Variants in PACRG observed in about 807,000 individuals in gnomAD.
The protein encoded by PACRG is parkin coregulated gene protein.
Under a neutral mutation model 29.7 loss-of-function variants are expected in PACRG, and 29 were observed. That is an observed-to-expected ratio of 0.98 (90% CI 0.73 to 1.33). The LOEUF (loss-of-function observed/expected upper bound fraction) is 1.33, where lower values mean the gene tolerates loss of function less well. Among genes scored for constraint, PACRG ranks in the 40% most tolerant of loss-of-function variants. The pLI is 0.00. For missense variants in PACRG, 279 were observed against 316.2 expected (o/e 0.88, Z 0.89); for synonymous variants, 116 against 118.7 (o/e 0.98, Z 0.15).
chr6:163,083,907 A>C (rs1232466298), intron 3 of PACRG, among the ~76,000 whole-genome samples: 3 of 149,862 alleles, frequency 2.0e-5, no homozygotes, highest in African/African-American at 4.9e-5. Flanking sequence ...CTCACTTTGC[A>C]AAAAAAAAAT....
At chr6:162,988,940 A>T (rs967216035) in intron 2 of PACRG, among the ~76,000 whole-genome samples, 7 of 152,166 alleles carry the variant, frequency 4.6e-5, no homozygotes, top group Admixed American at 1.3e-4. Flanking sequence ...GACTGGTGAA[A>T]CTATTGGTTT....
At chr6:162,970,434 C>G (rs1009326913) in intron 2 of PACRG, among the ~76,000 whole-genome samples, 5 of 152,054 alleles carry the variant, frequency 3.3e-5, no homozygotes, top group Non-Finnish European at 2.9e-5. Context: ...CACCTGGTCC[C>G]CCTCTTCTCG....
chr6:162,928,432 T>C (rs1408510481), intron 2 of PACRG, among the ~76,000 whole-genome samples: 2 of 152,038 alleles, frequency 1.3e-5, no homozygotes, highest in African/African-American at 2.4e-5. Context: ...TAATGGTTTT[T>C]TTCATAATTT....
intron 2 of PACRG, among the ~76,000 whole-genome samples, chr6:162,918,207 T>A (rs1336628855): frequency 6.6e-6 from 1 of 152,220 alleles, no homozygotes; most frequent in Non-Finnish European, 1.5e-5. Flanking sequence ...TTAAAATGTG[T>A]TCTGTTAGAA....
intron 1 of PACRG, among the ~76,000 whole-genome samples, chr6:162,798,558 T>C (rs1336088036): frequency 6.6e-6 from 1 of 152,214 alleles, no homozygotes; most frequent in African/African-American, 2.4e-5. Flanking sequence ...TTATTCATCT[T>C]ATTTCATTCA....
chr6:163,066,380 A>G (rs565980), intron 3 of PACRG, among the ~76,000 whole-genome samples: 3 of 152,180 alleles, frequency 2.0e-5, no homozygotes, highest in Non-Finnish European at 4.4e-5. Flanking sequence ...CAGAAGGTGA[A>G]TGGGGCTGTG....
At chr6:163,201,846 C>T (rs979317321) in intron 4 of PACRG, among the ~76,000 whole-genome samples, 1 of 152,156 alleles carries the variant, frequency 6.6e-6, no homozygotes. Context: ...GTGGGAGCCC[C>T]GGGTCCATTG....
chr6:163,169,235 A>T (rs995747479), intron 4 of PACRG, among the ~76,000 whole-genome samples: 3 of 152,226 alleles, frequency 2.0e-5, no homozygotes, highest in African/African-American at 7.2e-5. Context: ...TGAAGCGTGT[A>T]TTATGATAAA....
intron 2 of PACRG, among the ~76,000 whole-genome samples, chr6:163,002,804 C>G (rs1048051039): frequency 6.6e-6 from 1 of 152,186 alleles, no homozygotes; most frequent in Non-Finnish European, 1.5e-5. Context: ...TGAGATAGGT[C>G]TACCTATTAG....
At chr6:163,200,664 T>A (rs1189074248) in intron 4 of PACRG, among the ~76,000 whole-genome samples, 1 of 152,156 alleles carries the variant, frequency 6.6e-6, no homozygotes, top group East Asian at 1.9e-4. Context: ...ACGTTGGAAG[T>A]GAAGACACCT....
chr6:163,288,941 CTG>C (rs1784487570), intron 4 of PACRG, among the ~76,000 whole-genome samples: 1 of 152,320 alleles, frequency 6.6e-6, no homozygotes, highest in South Asian at 2.1e-4. Context: ...GTGCAATTAA[CTG>C]TGAACTGCCA....
intron 2 of PACRG, among the ~76,000 whole-genome samples, chr6:162,930,918 A>T (rs973855967): frequency 6.6e-6 from 1 of 151,874 alleles, no homozygotes; most frequent in East Asian, 1.9e-4. Context: ...CATCCCTGGG[A>T]TGCATGCCAC....
At chr6:162,771,594 A>G (rs1481928525) in intron 1 of PACRG, among the ~76,000 whole-genome samples, 1 of 151,862 alleles carries the variant, frequency 6.6e-6, no homozygotes, top group African/African-American at 2.4e-5. Context: ...TTTTTTTGGT[A>G]CACGTTTCTC....
chr6:163,135,321 T>TACAC (rs1816890565), intron 4 of PACRG, among the ~76,000 whole-genome samples: 1 of 152,074 alleles, frequency 6.6e-6, no homozygotes, highest in Non-Finnish European at 1.5e-5. Context: ...CCCAAGTAGC[T>TACAC]GGGACTACAG....
intron 4 of PACRG, among the ~76,000 whole-genome samples, chr6:163,245,829 G>A (rs1192176738): frequency 1.3e-5 from 2 of 152,064 alleles, no homozygotes. Flanking sequence ...TCAGGTCTTT[G>A]GCCACCTAAC....
At chr6:163,281,441 G>A (rs762762360) in intron 4 of PACRG, among the ~76,000 whole-genome samples, 14 of 152,246 alleles carry the variant, frequency 9.2e-5, no homozygotes, top group Non-Finnish European at 1.9e-4. Flanking sequence ...CCTTAGAAAG[G>A]GTAAGCTTGC....
At chr6:162,925,527 A>G (rs1454762855) in intron 2 of PACRG, among the ~76,000 whole-genome samples, 1 of 152,136 alleles carries the variant, frequency 6.6e-6, no homozygotes, top group African/African-American at 2.4e-5. Context: ...ATCAGTAAAC[A>G]TAATCTATCA....
At chr6:162,907,006 T>C (rs905307421) in intron 2 of PACRG, among the ~76,000 whole-genome samples, 3 of 152,224 alleles carry the variant, frequency 2.0e-5, no homozygotes, top group African/African-American at 7.2e-5. Flanking sequence ...CTAAGGTTGC[T>C]AGGGTATTGA....
chr6:163,016,247 C>G (rs1806097105), intron 2 of PACRG: 1 of 152,168 alleles, frequency 6.6e-6, no homozygotes, highest in African/African-American at 2.4e-5. Context: ...GAGTTGGGTT[C>G]TCCCTGCCTG....
Sources: gnomAD v4.1 joint callset for allele counts (sites outside exome capture counted in the v4.1 genomes callset) on GRCh38, gnomAD v4.1.1 for gene constraint, MANE v1.5 for transcripts, NCBI Gene and HGNC (gene_info 2026-07-23, HGNC 2026-07-21) for gene names.